Variants in PDE3A observed in about 807,000 individuals in gnomAD.
PDE3A encodes the protein phosphodiesterase 3A, also known as cGMP-inhibited 3',5'-cyclic phosphodiesterase 3A.
Under a neutral mutation model 98.3 loss-of-function variants are expected in PDE3A, and 43 were observed. The observed-to-expected ratio is 0.44, with a 90% CI of 0.34 to 0.56. PDE3A has a LOEUF of 0.56. Ranked by LOEUF, PDE3A falls within the 20% of genes least tolerant of loss-of-function variation. The pLI, the probability that PDE3A is intolerant of heterozygous loss-of-function variation, is 0.01. For missense variants in PDE3A, 1,427 were observed against 1,440.7 expected (o/e 0.99, Z 0.15); for synonymous variants, 663 against 567.9 (o/e 1.17, Z -2.38).
In PDE3A at chr12:20,654,051, G is replaced by A; in HGVS notation, c.3030G>A (p.Gly1010=). Residue 1010 remains glycine (G), a synonymous_variant, in exon 15 of 16, where the codon GGG becomes GGA. Transcript: ENST00000359062. The part of the protein sequence containing the change: ...LQESFISHIV[G]PLCNSYDSAG... ...AATCCTTCATCTCTCACATTGTGGGGCCTCTGTGCAACTCCTATGATTCAG... is the reference window on the plus strand; with the variant it reads ...AATCCTTCATCTCTCACATTGTGGGACCTCTGTGCAACTCCTATGATTCAG... 2 of 1,614,098 alleles carry A rather than the reference G, an allele frequency of 1.2e-6. No individual in the cohort carries two copies. The highest frequency in any genetic ancestry group is 1.7e-5 in the Admixed American group (1 of 60,008).
chr12:20,415,524 G>A (rs935713153), intron 1 of PDE3A, among the ~76,000 whole-genome samples: 11 of 151,838 alleles, frequency 7.2e-5, no homozygotes, highest in Admixed American at 6.6e-5. Context: ...TGCAACCACC[G>A]TCTCCTGGGT....
chr12:20,578,205 T>G (rs560409619), intron 2 of PDE3A, among the ~76,000 whole-genome samples: 2 of 152,104 alleles, frequency 1.3e-5, no homozygotes, highest in Non-Finnish European at 2.9e-5. Context: ...CTATATTCTT[T>G]ATGATCTTTA....
chr12:20,553,627 C>T (rs1247902176), intron 1 of PDE3A, among the ~76,000 whole-genome samples: 2 of 151,240 alleles, frequency 1.3e-5, no homozygotes, highest in Admixed American at 6.6e-5. Context: ...CGTCTGAGAT[C>T]CGCGTGAAAA....
At chr12:20,574,116 T>C (rs1191792026) in intron 2 of PDE3A, among the ~76,000 whole-genome samples, 2 of 152,108 alleles carry the variant, frequency 1.3e-5, no homozygotes, top group Non-Finnish European at 2.9e-5. Context: ...AGTTAGTTTA[T>C]TTGGAGTAGA....
chr12:20,467,494 T>A (rs946204790), intron 1 of PDE3A, among the ~76,000 whole-genome samples: 2 of 152,184 alleles, frequency 1.3e-5, no homozygotes, highest in Non-Finnish European at 2.9e-5. Context: ...GGAGGATTTT[T>A]AAAGTCTTTA....
intron 1 of PDE3A, among the ~76,000 whole-genome samples, chr12:20,533,728 G>A (rs368063877): frequency 8.5e-4 from 128 of 150,668 alleles, no homozygotes; most frequent in Admixed American, 8.6e-4. Context: ...GATCCGCCCC[G>A]CCCCCCTTTG....
At chr12:20,570,145 C>T (rs565109677) in intron 2 of PDE3A, among the ~76,000 whole-genome samples, 6 of 152,038 alleles carry the variant, frequency 3.9e-5, no homozygotes, top group African/African-American at 1.2e-4. Flanking sequence ...CGGTGGCTCA[C>T]GCCTGTAATC....
chr12:20,481,826 G>A (rs1205087587), intron 1 of PDE3A, among the ~76,000 whole-genome samples: 12 of 133,228 alleles, frequency 9.0e-5, no homozygotes, highest in Admixed American at 8.7e-4. Context: ...ATGCAGGGGT[G>A]CGATCTCGGC....
rs1387657434 is a variant in PDE3A, at chr12:20,686,285, G to C, written c.*6014G>C. On this transcript the variant is annotated 3_prime_UTR_variant, in exon 16 of 16. Coordinates refer to ENST00000359062, the MANE Select transcript of PDE3A (RefSeq NM_000921.5). The stretch of plus-strand genomic sequence containing the variant: ...CTGAGTTTTCCTAAGACAAAGGAGT[G>C]TATTATCCAGCAATTTATTGTTTTG... Among the ~76,000 whole-genome samples the C allele has an allele frequency of 6.6e-6, 1 of 152,066 alleles. No homozygotes were observed. Among genetic ancestry groups the C allele is most frequent in the Non-Finnish European group, 1.5e-5 (1 of 67,986 alleles).
intron 1 of PDE3A, among the ~76,000 whole-genome samples, chr12:20,381,470 A>T (rs1228786108): frequency 1.3e-5 from 2 of 151,848 alleles, no homozygotes; most frequent in Non-Finnish European, 2.9e-5. Context: ...AGAACGCTTT[A>T]TGATTTGAAA....
At chr12:20,528,185 T>G (rs1946562205) in intron 1 of PDE3A, among the ~76,000 whole-genome samples, 1 of 152,220 alleles carries the variant, frequency 6.6e-6, no homozygotes, top group African/African-American at 2.4e-5. Flanking sequence ...AGGCTGGGAA[T>G]AATTTCCAAC....
chr12:20,671,250 A>G (rs1193987550), intron 15 of PDE3A, among the ~76,000 whole-genome samples: 4 of 149,826 alleles, frequency 2.7e-5, no homozygotes, highest in Non-Finnish European at 4.4e-5. Context: ...ATGGATTCAC[A>G]GCTGAATTCT....
intron 2 of PDE3A, among the ~76,000 whole-genome samples, chr12:20,597,297 C>CCAA (rs1238383170): frequency 2.0e-5 from 3 of 152,118 alleles, no homozygotes; most frequent in Non-Finnish European, 4.4e-5. Context: ...TTTCAAGTTC[C>CCAA]CAACTCATTG....
At chr12:20,505,295 C>G (rs371785394) in intron 1 of PDE3A, among the ~76,000 whole-genome samples, 1 of 152,140 alleles carries the variant, frequency 6.6e-6, no homozygotes, top group East Asian at 1.9e-4. Flanking sequence ...CTCCTTTTCT[C>G]CTACTGTTAA....
intron 1 of PDE3A, among the ~76,000 whole-genome samples, chr12:20,461,591 G>C (rs2120928255): frequency 6.6e-6 from 1 of 152,166 alleles, no homozygotes; most frequent in Non-Finnish European, 1.5e-5. Flanking sequence ...GGCTTATCTA[G>C]AAAAATTAGA....
chr12:20,538,913 T>C (rs1346996017), intron 1 of PDE3A, among the ~76,000 whole-genome samples: 1 of 151,942 alleles, frequency 6.6e-6, no homozygotes, highest in South Asian at 2.1e-4. Context: ...CCCAAAATGT[T>C]GAGATTACAA....
At chr12:20,679,449 G>A (rs539829366) in intron 15 of PDE3A, among the ~76,000 whole-genome samples, 10 of 152,100 alleles carry the variant, frequency 6.6e-5, no homozygotes, top group East Asian at 1.9e-4. Flanking sequence ...GGGTTTCACC[G>A]TGTTAGCCAG....
chr12:20,621,524 TTG>T, intron 5 of PDE3A, 113 bp downstream of exon 5: 1 of 626,928 alleles, frequency 1.6e-6, no homozygotes, highest in Non-Finnish European at 2.8e-6. Context: ...TATGTTTGGT[TTG>T]TCTATTCTAA....
chr12:20,589,710 C>T (rs1347357425), intron 2 of PDE3A, among the ~76,000 whole-genome samples: 1 of 151,148 alleles, frequency 6.6e-6, no homozygotes, highest in Non-Finnish European at 1.5e-5. Flanking sequence ...CCACTAAAAA[C>T]ACAAAAAAAT....
Sources: allele counts gnomAD v4.1 joint callset (sites outside exome capture counted in the v4.1 genomes callset), GRCh38; gene constraint gnomAD v4.1.1; transcripts MANE v1.5; gene names NCBI Gene and HGNC (gene_info 2026-07-23, HGNC 2026-07-21).